The following METAP1D variants were observed in gnomAD, a reference collection of about 807,000 sequenced individuals.
METAP1D encodes the protein methionine aminopeptidase 1D, mitochondrial.
In METAP1D, 31 loss-of-function variants were observed where a neutral mutation model predicts 40.5. The ratio of observed to expected loss-of-function variants is 0.77; its 90% CI spans 0.58 to 1.03. METAP1D has a LOEUF of 1.03. Among genes scored for constraint, METAP1D ranks in the 50% least tolerant of loss-of-function variants. The pLI, the probability that METAP1D is intolerant of heterozygous loss-of-function variation, is 0.00. For missense variants in METAP1D, 411 were observed against 420.7 expected, an observed-to-expected ratio of 0.98 and a Z score of 0.20; for synonymous variants, 151 against 146.4, an observed-to-expected ratio of 1.03 and a Z score of -0.22.
At chr2:172,034,405 TTGTGTGTGTGTGTG>T (rs377629727) in intron 1 of METAP1D, among the ~76,000 whole-genome samples, 2 of 142,150 alleles carry the variant, frequency 1.4e-5, no homozygotes, top group East Asian at 7.0e-4. Context: ...GTCTCAGTTT[TTGTGTGTGTGTGTG>T]TGTGTGTGTG....
At chr2:172,036,546 T>G (rs1689391498) in intron 1 of METAP1D, among the ~76,000 whole-genome samples, 1 of 151,498 alleles carries the variant, frequency 6.6e-6, no homozygotes, top group Admixed American at 6.6e-5. Flanking sequence ...TTTGTATTTT[T>G]AGTAGAGACG....
At chr2:172,011,370 C>T (rs574713168) in intron 1 of METAP1D, among the ~76,000 whole-genome samples, 61 of 151,514 alleles carry the variant, frequency 4.0e-4, no homozygotes, top group Non-Finnish European at 8.5e-4. Context: ...CTGCAAGCTC[C>T]GCATCCCAGG....
chr2:172,073,564 G>A (rs1274704637), intron 6 of METAP1D, among the ~76,000 whole-genome samples: 1 of 152,124 alleles, frequency 6.6e-6, no homozygotes, highest in African/African-American at 2.4e-5. Context: ...AACAGACAAT[G>A]AACTTTTTAC....
At chr2:172,077,115 C>G (rs1690564617) in intron 6 of METAP1D, among the ~76,000 whole-genome samples, 1 of 152,210 alleles carries the variant, frequency 6.6e-6, no homozygotes. Context: ...AATTGGGAAT[C>G]ACAATACTAG....
rs898690407 is a variant in METAP1D, at chr2:172,044,673, G to T, written c.41-16825G>T. 3.7e-5 allele frequency among the ~76,000 whole-genome samples: 5 copies of T among 135,050 alleles called. 1 individual carries two copies. Among genetic ancestry groups the T allele is most frequent in the Admixed American group, 7.3e-5 (1 of 13,658 alleles). The allele number at this position is 135,050 out of a possible 152,430, so 88.6% of individuals were successfully genotyped here. ...TATAATCCCAGCAATTTGGGAAGCC[G>T]AGGAGGGTGGATCACTTGAAGTCAG... On this transcript the variant is annotated intron_variant, in intron 1 of 9. Coordinates refer to ENST00000315796, the MANE Select transcript of METAP1D (RefSeq NM_199227.3).
At chr2:172,066,197 T>C (rs1188427063) in intron 4 of METAP1D, 67 bp from the exon 5 acceptor site, 2 of 1,296,290 alleles carry the variant, frequency 1.5e-6, no homozygotes, top group Non-Finnish European at 2.2e-6. Context: ...AGTCATTAAG[T>C]ATTTATTTTT....
chr2:172,035,877 G>A (rs556229695), intron 1 of METAP1D, among the ~76,000 whole-genome samples: 22 of 151,830 alleles, frequency 1.4e-4, no homozygotes, highest in African/African-American at 5.3e-4. Context: ...CGAATGCTTG[G>A]GCTCAAGCAG....
At chr2:172,016,301 AT>A (rs1485792104) in intron 1 of METAP1D, among the ~76,000 whole-genome samples, 1,539 of 33,744 alleles carry the variant, frequency 0.046, 24 homozygotes, top group Non-Finnish European at 0.069. Context: ...AAAAAAAAAA[AT>A]ATATATATAT....
intron 1 of METAP1D, among the ~76,000 whole-genome samples, chr2:172,040,016 G>A (rs750118911): frequency 4.0e-5 from 6 of 148,310 alleles, no homozygotes; most frequent in Non-Finnish European, 7.4e-5. Context: ...ACAGAGTCTC[G>A]CCCTGTCGCC....
chr2:172,011,290 T>C (rs1688715685), intron 1 of METAP1D, among the ~76,000 whole-genome samples: 1 of 150,768 alleles, frequency 6.6e-6, no homozygotes, highest in African/African-American at 2.4e-5. Flanking sequence ...TGTTTCTTTT[T>C]TTTTTTTTTT....
At position 172,080,402 on chromosome 2, in the gene METAP1D, C is replaced by T. The variant is rs1385605997; in HGVS notation, c.1004C>T (p.Ala335Val). ...ATCCTGACCAAACTACCCCATGAGG[C>T]CTGAGGAGCCGCCCGAAGGTCGCGG... ...AQILTKLPHE[A>V] Residue 335 changes from alanine to valine, a missense_variant, in exon 10 of 10, where the codon GCC (alanine) becomes GTC (valine). By Grantham distance (64) the Ala-to-Val change is moderately conservative. Transcript: ENST00000315796. The T allele has an allele frequency of 6.2e-7, 1 of 1,613,978 alleles. No homozygotes were observed. Among genetic ancestry groups the T allele is most frequent in the Non-Finnish European group, 8.5e-7 (1 of 1,179,884 alleles).
At chr2:172,024,655 T>A (rs1362827266) in intron 1 of METAP1D, among the ~76,000 whole-genome samples, 14 of 151,904 alleles carry the variant, frequency 9.2e-5, no homozygotes, top group Admixed American at 9.2e-4. Context: ...TTCAGCCAAA[T>A]CCCCAGGATT....
rs1689711715 is a variant in METAP1D at position 172,045,290 on chromosome 2, C to A, written c.41-16208C>A. Among the ~76,000 whole-genome samples, 2 of 133,776 alleles carry A rather than the reference C, an allele frequency of 1.5e-5. 1 individual carries two copies. The highest frequency in any genetic ancestry group is 3.5e-5 in the Non-Finnish European group (2 of 57,548). 87.8% of individuals were successfully genotyped at this position (133,776 alleles called of 152,430 possible). ...ATCAAACCAAAACAAAAAGGACCTACCAAAATGCTCATCATTGTTTAAATA... is the reference window on the plus strand; with the variant it reads ...ATCAAACCAAAACAAAAAGGACCTAACAAAATGCTCATCATTGTTTAAATA... On this transcript the variant is annotated intron_variant, in intron 1 of 9. Coordinates refer to ENST00000315796, the MANE Select transcript of METAP1D (RefSeq NM_199227.3).
In METAP1D at chr2:172,079,558, C is replaced by A. The variant is rs527696247; in HGVS notation, c.850+296C>A. ...TTCATTAACACCCAGTAACTAGACA[C>A]GATTATGTCCCTTGCTCCCTGTCAG... is the stretch of plus-strand genomic sequence containing the variant. On this transcript the variant is annotated intron_variant, in intron 8 of 9. Coordinates refer to ENST00000315796, the MANE Select transcript of METAP1D (RefSeq NM_199227.3). 3.3e-5 allele frequency among the ~76,000 whole-genome samples: 5 copies of A among 152,232 alleles called. No homozygotes were observed. The South Asian group carries it at 8.3e-4, about 25-fold the overall frequency.
At chr2:172,033,159 G>A (rs970693001) in intron 1 of METAP1D, among the ~76,000 whole-genome samples, 1 of 151,534 alleles carries the variant, frequency 6.6e-6, no homozygotes, top group African/African-American at 2.4e-5. Flanking sequence ...AAAGGACAGA[G>A]AAACATATTA....
intron 5 of METAP1D, among the ~76,000 whole-genome samples, chr2:172,069,405 CTTG>C (rs1690369134): frequency 6.6e-6 from 1 of 151,894 alleles, no homozygotes; most frequent in Non-Finnish European, 1.5e-5. Context: ...AAATAGTATT[CTTG>C]TATTTTGAAT....
At chr2:172,010,850 G>C (rs1400726349) in intron 1 of METAP1D, among the ~76,000 whole-genome samples, 1 of 151,344 alleles carries the variant, frequency 6.6e-6, no homozygotes, top group Admixed American at 6.6e-5. Context: ...CGCCTCCCAG[G>C]TTCAAGCGAT....
chr2:172,061,446 G>A (rs1459222069), intron 1 of METAP1D, 52 bp from the exon 2 acceptor site: 3 of 1,474,378 alleles, frequency 2.0e-6, no homozygotes, highest in Non-Finnish European at 2.8e-6. Flanking sequence ...TTAAAGTGGA[G>A]GACTGTGTTA....
intron 3 of METAP1D, among the ~76,000 whole-genome samples, chr2:172,064,657 T>C (rs1690210124): frequency 6.6e-6 from 1 of 151,926 alleles, no homozygotes. Flanking sequence ...TTTCATTTAG[T>C]TCTTTCATAA....
Sources: allele counts gnomAD v4.1 joint callset (sites outside exome capture counted in the v4.1 genomes callset), GRCh38; gene constraint gnomAD v4.1.1; transcripts MANE v1.5; gene names NCBI Gene and HGNC (gene_info 2026-07-23, HGNC 2026-07-21).